The following FAF1 variants were observed in gnomAD, a reference collection of about 807,000 sequenced individuals.
The protein encoded by FAF1 is FAS-associated factor 1.
In FAF1, 25 loss-of-function variants were observed where a neutral mutation model predicts 92.5. The observed-to-expected ratio is 0.27, with a 90% CI of 0.20 to 0.38. FAF1 has a LOEUF of 0.38. Among genes scored for constraint, FAF1 ranks in the 10% least tolerant of loss-of-function variants. FAF1 has a pLI of 1.00. For missense variants in FAF1, 636 were observed against 793.3 expected (o/e 0.80, Z 2.38); for synonymous variants, 234 against 273.2 (o/e 0.86, Z 1.42).
chr1:50,543,330 T>C (rs1648845104), intron 13 of FAF1, among the ~76,000 whole-genome samples: 1 of 152,156 alleles, frequency 6.6e-6, no homozygotes, highest in African/African-American at 2.4e-5. Flanking sequence ...GCTCACTGCC[T>C]ACCTACCGTA....
intron 18 of FAF1, among the ~76,000 whole-genome samples, chr1:50,466,924 T>C (rs1646503840): frequency 6.6e-6 from 1 of 152,222 alleles, no homozygotes; most frequent in Non-Finnish European, 1.5e-5. Context: ...GTTCTCCTCA[T>C]AACAATCTAC....
At chr1:50,843,053 T>C (rs1557554502) in intron 2 of FAF1, among the ~76,000 whole-genome samples, 2 of 152,202 alleles carry the variant, frequency 1.3e-5, no homozygotes, top group African/African-American at 4.8e-5. Flanking sequence ...TTGGAATTAT[T>C]TACTAGCTTT....
rs1307101857 is a variant in FAF1, at chr1:50,761,911, A to G, written c.368-17136T>C. Among the ~76,000 whole-genome samples, 3 of 152,322 alleles carry G rather than the reference A, an allele frequency of 2.0e-5. No homozygotes were observed. The East Asian group carries it at 5.8e-4, about 29-fold the overall frequency. ...AGGAAGTCAAATTGTCCCTGTTTGC[A>G]GATGACATGATTGTATATCTAGAAA... On this transcript the variant is annotated intron_variant, in intron 4 of 18. Coordinates refer to ENST00000396153, the MANE Select transcript of FAF1 (RefSeq NM_007051.3).
At chr1:50,554,185 A>C (rs1479307007) in intron 13 of FAF1, among the ~76,000 whole-genome samples, 2 of 150,840 alleles carry the variant, frequency 1.3e-5, no homozygotes, top group East Asian at 3.9e-4. Context: ...CAGCATGGCA[A>C]GATCATGGGA....
At chr1:50,676,623 C>A (rs1656133423) in intron 7 of FAF1, among the ~76,000 whole-genome samples, 2 of 152,058 alleles carry the variant, frequency 1.3e-5, no homozygotes, top group Non-Finnish European at 2.9e-5. Context: ...GAGTTCAAGA[C>A]CAGCCCTGGC....
intron 18 of FAF1, among the ~76,000 whole-genome samples, chr1:50,453,860 C>T (rs1646322525): frequency 6.6e-6 from 1 of 152,156 alleles, no homozygotes; most frequent in African/African-American, 2.4e-5. Context: ...CACAAAGGGT[C>T]AGGGCTCAGA....
chr1:50,815,169 T>C (rs1166186809), intron 2 of FAF1, among the ~76,000 whole-genome samples: 4 of 152,182 alleles, frequency 2.6e-5, no homozygotes, highest in Admixed American at 1.3e-4. Context: ...AGGTTTGGTG[T>C]ATGACTGATC....
At position 50,734,077 on chromosome 1, in the gene FAF1, G is replaced by A. The variant is rs568493051; in HGVS notation, c.551+4786C>T. ...CTCTCAAAGTGTTGGGAATACAGGC[G>A]TGAGCCACTGCACTCAGTCTTTGGC... On this transcript the variant is annotated intron_variant, in intron 6 of 18. Coordinates refer to ENST00000396153, the MANE Select transcript of FAF1 (RefSeq NM_007051.3). 3.9e-5 allele frequency among the ~76,000 whole-genome samples: 6 copies of A among 152,296 alleles called. No individual in the cohort carries two copies. In the South Asian group the frequency reaches 8.3e-4, roughly 21 times the overall value.
intron 2 of FAF1, among the ~76,000 whole-genome samples, chr1:50,828,564 C>T (rs11584612): frequency 0.23 from 34,874 of 152,022 alleles, 4,451 homozygotes; most frequent in Middle Eastern, 0.44. Context: ...CCACCGCGCC[C>T]GGCCAAGAAG....
At chr1:50,611,679 T>C (rs148860929) in intron 8 of FAF1, among the ~76,000 whole-genome samples, 1 of 152,364 alleles carries the variant, frequency 6.6e-6, no homozygotes, top group African/African-American at 2.4e-5. Flanking sequence ...CTGAGAAATA[T>C]GTCCACATCA....
chr1:50,654,008 T>C (rs1161403538), intron 8 of FAF1, among the ~76,000 whole-genome samples: 1 of 152,236 alleles, frequency 6.6e-6, no homozygotes, highest in Non-Finnish European at 1.5e-5. Flanking sequence ...TTAAAGTTTC[T>C]GATTTTTAAA....
intron 13 of FAF1, among the ~76,000 whole-genome samples, chr1:50,550,488 G>T (rs536465588): frequency 1.3e-5 from 2 of 151,426 alleles, no homozygotes; most frequent in East Asian, 3.9e-4. Context: ...TTTCAAGCAA[G>T]AGCTGATTGT....
At chr1:50,808,604 C>T (rs1280435866) in intron 2 of FAF1, among the ~76,000 whole-genome samples, 1 of 151,020 alleles carries the variant, frequency 6.6e-6, no homozygotes, top group Admixed American at 6.6e-5. Context: ...CTCAACAAAG[C>T]AGAGGTTGCT....
At chr1:50,460,922 G>A (rs1048346899) in intron 18 of FAF1, among the ~76,000 whole-genome samples, 2 of 152,104 alleles carry the variant, frequency 1.3e-5, no homozygotes, top group African/African-American at 4.8e-5. Flanking sequence ...CAAAGTGCTA[G>A]GATTACTGGT....
At position 50,505,040 on chromosome 1, in the gene FAF1, AC is replaced by A. The variant is rs540735967; in HGVS notation, c.1495-13240del. Among the ~76,000 whole-genome samples the A allele has an allele frequency of 1.7e-3, 260 of 152,342 alleles. 8 individuals are homozygous for A. The highest frequency in any genetic ancestry group is 0.015 in the Admixed American group (226 of 15,294). ...AGAAGTCTTCTGAGTGGGGGATCTT[AC>A]TGATCTTATAGAAAGCAAGAATATT... On this transcript the variant is annotated intron_variant, in intron 15 of 18. Transcript: ENST00000396153.
chr1:50,912,932 C>A (rs1398966517), intron 1 of FAF1, among the ~76,000 whole-genome samples: 1 of 152,228 alleles, frequency 6.6e-6, no homozygotes, highest in Non-Finnish European at 1.5e-5. Flanking sequence ...ACATTCCCTT[C>A]ATATAACAAG....
At chr1:50,834,579 C>A (rs968705440) in intron 2 of FAF1, among the ~76,000 whole-genome samples, 1 of 152,188 alleles carries the variant, frequency 6.6e-6, no homozygotes, top group Non-Finnish European at 1.5e-5. Context: ...AAATAAGTGG[C>A]AGAGCCAAAA....
intron 15 of FAF1, among the ~76,000 whole-genome samples, chr1:50,515,953 ATAT>A (rs985697712): frequency 3.3e-5 from 5 of 152,152 alleles, no homozygotes; most frequent in African/African-American, 1.2e-4. Flanking sequence ...AACTTAGTTT[ATAT>A]TATTAGTATT....
chr1:50,942,737 A>C (rs2124755138), intron 1 of FAF1, among the ~76,000 whole-genome samples: 1 of 151,420 alleles, frequency 6.6e-6, no homozygotes, highest in South Asian at 2.1e-4. Flanking sequence ...CCAGAGTTTT[A>C]GTTGTCGTTG....
Sources: gnomAD v4.1 joint callset for allele counts (sites outside exome capture counted in the v4.1 genomes callset) on GRCh38, gnomAD v4.1.1 for gene constraint, MANE v1.5 for transcripts, NCBI Gene and HGNC (gene_info 2026-07-23, HGNC 2026-07-21) for gene names.